CDH3: variants seen among roughly 807,000 people sequenced by gnomAD.
The protein encoded by CDH3 is cadherin 3, also known as cadherin-3.
In CDH3, 54 loss-of-function variants were observed where a neutral mutation model predicts 82.0. The ratio of observed to expected loss-of-function variants is 0.66; its 90% CI spans 0.53 to 0.83. CDH3 has a LOEUF of 0.83. Ranked by LOEUF, CDH3 falls within the 40% of genes least tolerant of loss-of-function variation. The pLI, the probability that CDH3 is intolerant of heterozygous loss-of-function variation, is 0.00. For missense variants in CDH3, 1,054 were observed against 1,084.6 expected (o/e 0.97, Z 0.40); for synonymous variants, 446 against 437.9 (o/e 1.02, Z -0.23).
intron 9 of CDH3, among the ~76,000 whole-genome samples, chr16:68,683,963 A>G (rs1035236303): frequency 6.7e-6 from 1 of 148,980 alleles, no homozygotes; most frequent in Admixed American, 6.8e-5. Flanking sequence ...GCTACTCGAG[A>G]GGCTGAGGCA....
chr16:68,651,919 A>G, intron 2 of CDH3: 1 of 380,738 alleles, frequency 2.6e-6, no homozygotes, highest in South Asian at 2.3e-5. Context: ...GCGGAGAGCC[A>G]GTATGAGGGG....
intron 1 of CDH3, among the ~76,000 whole-genome samples, chr16:68,718,415 C>A (rs943742395): frequency 6.6e-6 from 1 of 152,080 alleles, no homozygotes; most frequent in East Asian, 1.9e-4. Context: ...TGTGGTGGCT[C>A]ATGCCTATAA....
At chr16:68,705,711 C>G (rs900010990) in intron 1 of CDH3, among the ~76,000 whole-genome samples, 1 of 151,476 alleles carries the variant, frequency 6.6e-6, no homozygotes, top group Non-Finnish European at 1.5e-5. Flanking sequence ...CGTGAGCCGC[C>G]GTGCCCAGCC....
intron 1 of CDH3, among the ~76,000 whole-genome samples, chr16:68,709,856 G>A (rs1003275681): frequency 6.6e-6 from 1 of 152,166 alleles, no homozygotes; most frequent in Admixed American, 6.5e-5. Flanking sequence ...GACTGCCCAT[G>A]CTGATCATCC....
At chr16:68,680,456 A>G (rs1961186350) in intron 7 of CDH3, among the ~76,000 whole-genome samples, 1 of 152,168 alleles carries the variant, frequency 6.6e-6, no homozygotes, top group Admixed American at 6.5e-5. Flanking sequence ...AGGCGGGAGG[A>G]TCACTTGAGG....
chr16:68,684,484 C>A, intron 9 of CDH3, 99 bp from the exon 10 acceptor site: 1 of 1,380,376 alleles, frequency 7.2e-7, no homozygotes, highest in Non-Finnish European at 1.0e-6. Flanking sequence ...GGGCCTCAAG[C>A]CCCTCAGTAT....
At chr16:68,647,053 T>G (rs549367911) in intron 2 of CDH3, among the ~76,000 whole-genome samples, 2 of 152,246 alleles carry the variant, frequency 1.3e-5, no homozygotes, top group East Asian at 3.9e-4. Flanking sequence ...CCTTAAACCC[T>G]TGGCTGTAGG....
At chr16:68,708,747 G>A (rs568691557) in intron 1 of CDH3, among the ~76,000 whole-genome samples, 14 of 151,706 alleles carry the variant, frequency 9.2e-5, no homozygotes, top group East Asian at 5.8e-4. Flanking sequence ...GGGTTCAGGC[G>A]ATTCTCCTGC....
chr16:68,668,896 A>G (rs921391081), intron 2 of CDH3, among the ~76,000 whole-genome samples: 1 of 152,244 alleles, frequency 6.6e-6, no homozygotes, highest in Non-Finnish European at 1.5e-5. Flanking sequence ...GGCCAGGCAC[A>G]GTATTCAGTG....
chr16:68,684,506 T>C (rs1961342182), intron 9 of CDH3, 77 bp from the exon 10 acceptor site: 2 of 1,570,812 alleles, frequency 1.3e-6, no homozygotes, highest in Non-Finnish European at 1.8e-6. Flanking sequence ...GGTGTTTTCC[T>C]TCTCACATCT....
chr16:68,687,838 G>A lies in CDH3; in HGVS notation c.1795+102G>A, dbSNP rs892988199. ...CACGTTCCTATCCTAGCATCTTGTG[G>A]GCCATGGGGACAATGATCTCCTCTA... On this transcript the variant is annotated intron_variant, in intron 12 of 15. Transcript: ENST00000264012. 5 of 811,310 alleles carry A rather than the reference G, an allele frequency of 6.2e-6. No homozygotes were observed. The Admixed American group carries it at 9.9e-5, about 16-fold the overall frequency. 50.3% of individuals were successfully genotyped at this position (811,310 alleles called of 1,614,324 possible).
At chr16:68,706,520 T>TGC (rs985473910) in intron 1 of CDH3, among the ~76,000 whole-genome samples, 1 of 149,172 alleles carries the variant, frequency 6.7e-6, no homozygotes, top group Admixed American at 6.7e-5. Context: ...GGGACAAAGA[T>TGC]GCTGGTTCTA....
intron 1 of CDH3, among the ~76,000 whole-genome samples, chr16:68,716,851 G>T (rs1235575855): frequency 6.6e-6 from 1 of 151,086 alleles, no homozygotes; most frequent in Non-Finnish European, 1.5e-5. Context: ...AGCCTCCCAA[G>T]TAACTGGGAC....
intron 9 of CDH3, among the ~76,000 whole-genome samples, chr16:68,684,001 A>C (rs1376754288): frequency 1.4e-5 from 2 of 140,440 alleles, no homozygotes; most frequent in Non-Finnish European, 3.0e-5. Flanking sequence ...CGGGAGGCGG[A>C]GGTTGCAGTG....
chr16:68,701,544 A>ATTTTT (rs71382058), downstream of CDH3, among the ~76,000 whole-genome samples: 1 of 128,250 alleles, frequency 7.8e-6, no homozygotes, highest in Admixed American at 7.8e-5. Context: ...ATTACACACA[A>ATTTTT]TTTTTTTTTT....
intron 2 of CDH3, among the ~76,000 whole-genome samples, chr16:68,725,871 T>C (rs1256813352): frequency 6.6e-6 from 1 of 151,532 alleles, no homozygotes; most frequent in African/African-American, 2.4e-5. Context: ...CAGGGAAACA[T>C]GGTGAAATAC....
intron 11 of CDH3, chr16:68,686,807 G>T (rs1337249227): frequency 5.9e-6 from 3 of 512,672 alleles, no homozygotes; most frequent in Non-Finnish European, 1.1e-5. Context: ...GATAACTAAT[G>T]ACCAAAAAAA....
chr16:68,672,241 T>C (rs1181663273), intron 2 of CDH3, among the ~76,000 whole-genome samples: 2 of 129,548 alleles, frequency 1.5e-5, no homozygotes, highest in East Asian at 4.3e-4. Flanking sequence ...GAAAATAAGT[T>C]TCTGATGACC....
At chr16:68,694,006 A>AAAGT (rs1961641131) in intron 13 of CDH3, among the ~76,000 whole-genome samples, 1 of 152,162 alleles carries the variant, frequency 6.6e-6, no homozygotes, top group Non-Finnish European at 1.5e-5. Context: ...CTGTAATCCC[A>AAAGT]GCACTTTGGG....
Sources: allele counts gnomAD v4.1 joint callset (sites outside exome capture counted in the v4.1 genomes callset), GRCh38; gene constraint gnomAD v4.1.1; transcripts MANE v1.5; gene names NCBI Gene and HGNC (gene_info 2026-07-23, HGNC 2026-07-21).